ZBTB11: variants seen among roughly 807,000 people sequenced by gnomAD.
ZBTB11 encodes the protein zinc finger and BTB domain-containing protein 11.
A neutral mutation model predicts 113.1 loss-of-function variants in ZBTB11; 68 were observed. The observed-to-expected ratio is 0.60, with a 90% CI of 0.49 to 0.74. The LOEUF is 0.74. Among genes scored for constraint, ZBTB11 ranks in the 30% least tolerant of loss-of-function variants. The probability of loss-of-function intolerance (pLI) is 0.00; values close to 1 mark genes in which losing one functional copy is unlikely to be tolerated. For synonymous variants in ZBTB11, 518 were observed against 452.6 expected (o/e 1.14, Z -1.83); for missense variants, 1,104 against 1,279.4 (o/e 0.86, Z 2.09).
At position 101,664,522 on chromosome 3, in the gene ZBTB11, C is replaced by G; in HGVS notation, c.1800+16G>C. 1.3e-6 allele frequency: 2 copies of G among 1,585,842 alleles called. No individual in the cohort carries two copies. The highest frequency in any genetic ancestry group is 4.5e-5 in the East Asian group (2 of 44,496). ...ATGAATTAGAGTTACCTTCAATTAG[C>G]TTTCCAAATACTTACTGGACATTTG... On this transcript the variant is annotated intron_variant, in intron 5 of 10. Transcript: ENST00000312938.
At position 101,652,499 on chromosome 3, in the gene ZBTB11, C is replaced by G. The variant is rs1936722218; in HGVS notation, c.2641G>C (p.Glu881Gln). The part of the protein sequence containing the change: ...REYRRHMNNH[E>Q]GVKPFECLTC... ...ATATAATATAAAGTATAGTTACCTT[C>G]ATGGTTGTTCATGTGTCTCCTATAC... The change falls in exon 10 of 11, where the codon GAA becomes CAA. Residue 881 changes from glutamate to glutamine, a missense_variant. This residue lies in a region of ZBTB11 where 148 missense variants were observed against 259.3 expected (regional missense o/e 0.57). Coordinates refer to ENST00000312938, the MANE Select transcript of ZBTB11 (RefSeq NM_014415.4). The G allele has an allele frequency of 1.2e-6, 2 of 1,613,610 alleles. No individual in the cohort carries two copies. Among genetic ancestry groups the G allele is most frequent in the Non-Finnish European group, 1.7e-6 (2 of 1,179,896 alleles).
At chr3:101,676,412 T>G in intron 1 of ZBTB11, 193 bp downstream of exon 1, 1 of 551,340 alleles carries the variant, frequency 1.8e-6, no homozygotes, top group Non-Finnish European at 2.9e-6. Context: ...CGCCCCCAGC[T>G]TCGCCGGCCT....
Position 101,651,784 on chromosome 3 carries a change from A to T in ZBTB11, c.2645-101T>A, listed in dbSNP as rs1936707906. 4 of 1,230,900 alleles carry T rather than the reference A, an allele frequency of 3.2e-6. No individual in the cohort carries two copies. In the South Asian group the frequency reaches 7.0e-5, roughly 22 times the overall value. The allele number at this position is 1,230,900 out of a possible 1,614,324, so 76.2% of individuals were successfully genotyped here. On this transcript the variant is annotated intron_variant, in intron 10 of 10. Coordinates refer to ENST00000312938, the MANE Select transcript of ZBTB11 (RefSeq NM_014415.4). ...CTTTTATTAAAAAGTACAGTAGCTC[A>T]TAAGCCTTTCTATCTGGACTGTGGC... is the stretch of plus-strand genomic sequence containing the variant.
chr3:101,658,797 T>C (rs1936840963), intron 6 of ZBTB11, among the ~76,000 whole-genome samples: 1 of 152,144 alleles, frequency 6.6e-6, no homozygotes, highest in African/African-American at 2.4e-5. Context: ...GGGTATAGTG[T>C]ATACTGCTTA....
At position 101,659,249 on chromosome 3, in the gene ZBTB11, C is replaced by CA. The variant is rs577129956; in HGVS notation, c.2046+533dup. 5.9e-5 allele frequency among the ~76,000 whole-genome samples: 9 copies of CA among 152,210 alleles called. No homozygotes were observed. In the South Asian group the frequency reaches 8.3e-4, roughly 14 times the overall value. On this transcript the variant is annotated intron_variant, in intron 6 of 10. Coordinates refer to ENST00000312938, the MANE Select transcript of ZBTB11 (RefSeq NM_014415.4). ...GAACAAGACCTTGTCTCAAAACAGA[C>CA]AAAAAAACCCAAACTGAGTCATACT...
rs754931685 is a variant in ZBTB11, at chr3:101,665,406, G to A, written c.1181C>T (p.Ser394Phe). The A allele has an allele frequency of 3.7e-6, 6 of 1,614,078 alleles. No individual in the cohort carries two copies. In the African/African-American group the frequency reaches 6.7e-5, roughly 18 times the overall value. Residue 394 changes from serine (S) to phenylalanine (F), a missense_variant, in exon 4 of 11, where the codon TCT becomes TTT. Ser to Phe is a radical substitution (Grantham distance 155). This residue lies in a region of ZBTB11 where 535 missense variants were observed against 518.6 expected (regional missense o/e 1.03). Transcript: ENST00000312938. ...TATACATCCTACTGATGACAGGGCAGATTCAGCCTCTGAAGAAACCTGGGG... is the reference window on the plus strand; with the variant it reads ...TATACATCCTACTGATGACAGGGCAAATTCAGCCTCTGAAGAAACCTGGGG... ...PEPQVSSEAESALSSVGCIAD... is the reference protein window; with the variant it reads ...PEPQVSSEAEFALSSVGCIAD...
chr3:101,665,797 C>T lies in ZBTB11; in HGVS notation c.790G>A (p.Ala264Thr). 1 of 1,590,254 alleles carries T rather than the reference C, an allele frequency of 6.3e-7. No homozygotes were observed. Among genetic ancestry groups the T allele is most frequent in the Non-Finnish European group, 8.5e-7 (1 of 1,171,182 alleles). Residue 264 changes from alanine (A) to threonine (T), a missense_variant, in exon 4 of 11, where the codon GCC becomes ACC. Around this residue, in one of 5 missense-constraint regions of ZBTB11, gnomAD observed 86 missense variants for 131.0 expected, o/e 0.66. Coordinates refer to ENST00000312938, the MANE Select transcript of ZBTB11 (RefSeq NM_014415.4). ...AVVDLSGFCK[A>T]SFLPLLEFAY... is the part of the protein sequence containing the mutation. ...AATTCCAGTAAAGGAAGGAAGCTGG[C>T]CTTACAAAAACCTGTATGAATACAA...
Position 101,651,335 on chromosome 3 carries a change from G to A in ZBTB11, c.2993C>T (p.Ala998Val), listed in dbSNP as rs1370601807. The A allele has an allele frequency of 1.2e-6, 2 of 1,613,930 alleles. No individual in the cohort carries two copies. The highest frequency in any genetic ancestry group is 1.7e-6 in the Non-Finnish European group (2 of 1,180,004). Residue 998 changes from alanine to valine, a missense_variant, in exon 11 of 11, where the codon GCT becomes GTT. Physicochemically the swap from Ala to Val is moderately conservative, Grantham distance 64. This residue lies in a region of ZBTB11 where 90 missense variants were observed against 98.0 expected (regional missense o/e 0.92). Coordinates refer to ENST00000312938, the MANE Select transcript of ZBTB11 (RefSeq NM_014415.4). ...TGGATACTCTTCAGTAGCTGCAACA[G>A]CTTCCAGAGCTTCCATAGTTTCTCC... The part of the protein sequence containing the change: ...VTGETMEALE[A>V]VAATEEYPSV...
At position 101,664,987 on chromosome 3, in the gene ZBTB11, C is replaced by T. The variant is rs770642516; in HGVS notation, c.1600G>A (p.Val534Ile). 116 of 1,611,484 alleles carry T rather than the reference C, an allele frequency of 7.2e-5. No homozygotes were observed. The highest frequency in any genetic ancestry group is 6.0e-4 in the Admixed American group (36 of 59,776). ...ACCTGTTGAACTGCTGACTTGGGAA[C>T]GGCTTTCCGTTTCTGCAGCTTTTTC... is the stretch of plus-strand genomic sequence containing the variant. ...MEKKLQKRKA[V>I]PKSAVQQVAQ... Residue 534 changes from valine to isoleucine, a missense_variant, in exon 4 of 11, where the codon GTT becomes ATT. Physicochemically the swap from Val to Ile is conservative, Grantham distance 29 (BLOSUM62 3). Around this residue, in one of 5 missense-constraint regions of ZBTB11, gnomAD observed 535 missense variants for 518.6 expected, o/e 1.03. Transcript: ENST00000312938.
At chr3:101,672,674 G>A (rs1458014396) in intron 1 of ZBTB11, among the ~76,000 whole-genome samples, 1 of 152,216 alleles carries the variant, frequency 6.6e-6, no homozygotes, top group Non-Finnish European at 1.5e-5. Flanking sequence ...CTGAGATTGT[G>A]CCACTGCACT....
In ZBTB11 at chr3:101,665,169, T is replaced by C. The variant is rs1217570210; in HGVS notation, c.1418A>G (p.His473Arg). The C allele has an allele frequency of 6.2e-7, 1 of 1,614,196 alleles. No individual in the cohort carries two copies. Residue 473 changes from histidine (H) to arginine (R), a missense_variant, in exon 4 of 11, where the codon CAT (histidine) becomes CGT (arginine). This residue lies in a region of ZBTB11 where 535 missense variants were observed against 518.6 expected (regional missense o/e 1.03). Coordinates refer to ENST00000312938, the MANE Select transcript of ZBTB11 (RefSeq NM_014415.4). Reference protein sequence around the residue: ...EDICAEDIPKHRQKVDQPLKD... With the variant: ...EDICAEDIPKRRQKVDQPLKD... ...TAAAGGTTGGTCAACTTTCTGCCTA[T>C]GTTTTGGAATGTCTTCGGCACAAAT... is the stretch of plus-strand genomic sequence containing the variant.
rs537474055 is a variant in ZBTB11 at position 101,661,845 on chromosome 3, A to T, written c.1801-1817T>A. Among the ~76,000 whole-genome samples the T allele has an allele frequency of 2.0e-5, 3 of 152,228 alleles. No individual in the cohort carries two copies. In the South Asian group the frequency reaches 6.2e-4, roughly 32 times the overall value. On this transcript the variant is annotated intron_variant, in intron 5 of 10. Coordinates refer to ENST00000312938, the MANE Select transcript of ZBTB11 (RefSeq NM_014415.4). ...GTTTTCCATGTTCTGTTTGAAAATA[A>T]TATTTGTATACTGAGTATCTCAGAC...
intron 3 of ZBTB11, among the ~76,000 whole-genome samples, chr3:101,667,278 G>C (rs1047288186): frequency 6.6e-6 from 1 of 152,086 alleles, no homozygotes; most frequent in African/African-American, 2.4e-5. Context: ...GGCCTGAAGG[G>C]ATACTCCTGC....
Position 101,676,728 on chromosome 3 carries a change from C to T in ZBTB11, c.187G>A (p.Glu63Lys). 1 of 1,602,554 alleles carries T rather than the reference C, an allele frequency of 6.2e-7. No individual in the cohort carries two copies. The highest frequency in any genetic ancestry group is 8.5e-7 in the Non-Finnish European group (1 of 1,174,794). The part of the protein sequence containing the change: ...QRHRKTFAEL[E>K]VVLQPERRRD... ...CGTCGCTCCGGCTGCAGCACCACCT[C>T]CAGCTCCGCGAAGGTCTTGCGGTGC... Residue 63 changes from glutamate (E) to lysine (K), a missense_variant, in exon 1 of 11, where the codon GAG becomes AAG. Glu to Lys is a moderately conservative substitution (Grantham distance 56). This residue lies in a region of ZBTB11 where 245 missense variants were observed against 272.5 expected (regional missense o/e 0.90). Transcript: ENST00000312938.
In ZBTB11 at chr3:101,651,008, C is replaced by A. The variant is rs1936692117; in HGVS notation, c.*158G>T. 9.2e-6 allele frequency: 7 copies of A among 759,158 alleles called. No individual in the cohort carries two copies. The highest frequency in any genetic ancestry group is 1.2e-5 in the Non-Finnish European group (6 of 498,420). 47.0% of individuals were successfully genotyped at this position (759,158 alleles called of 1,614,324 possible). On this transcript the variant is annotated 3_prime_UTR_variant, in exon 11 of 11. Transcript: ENST00000312938. ...CACTAAACGGACTTTTCTATAGAAC[C>A]CATTGGCCAGACAAAATGTTTGGAA... is the stretch of plus-strand genomic sequence containing the variant.
In ZBTB11 at chr3:101,665,110, T is replaced by C. The variant is rs1936967161; in HGVS notation, c.1477A>G (p.Lys493Glu). Residue 493 changes from lysine (K) to glutamate (E), a missense_variant, in exon 4 of 11, where the codon AAG (lysine) becomes GAG (glutamate). Physicochemically the swap from Lys to Glu is moderately conservative, Grantham distance 56. Coordinates refer to ENST00000312938, the MANE Select transcript of ZBTB11 (RefSeq NM_014415.4). ...DQENLVASTA[K>E]TDFGPDDDTY... ...TCATCATCAGGGCCAAAGTCTGTCT[T>C]TGCTGTTGATGCAACTAGATTTTCC... The C allele has an allele frequency of 6.2e-7, 1 of 1,614,216 alleles. No homozygotes were observed. Among genetic ancestry groups the C allele is most frequent in the East Asian group, 2.2e-5 (1 of 44,874 alleles).
intron 3 of ZBTB11, chr3:101,670,725 C>T (rs1937074073): frequency 5.8e-6 from 1 of 173,612 alleles, no homozygotes; most frequent in South Asian, 1.4e-4. Context: ...GAACTCCTGA[C>T]CTTAAGCAGA....
At position 101,655,469 on chromosome 3, in the gene ZBTB11, C is replaced by T. The variant is rs187301688; in HGVS notation, c.2191+635G>A. ...ACATCTAAAAATAAGTATGTATGGA[C>T]AAAAAAATATAAGCCAACTACTATG... On this transcript the variant is annotated intron_variant, in intron 7 of 10. Coordinates refer to ENST00000312938, the MANE Select transcript of ZBTB11 (RefSeq NM_014415.4). Among the ~76,000 whole-genome samples, 19 of 152,042 alleles carry T rather than the reference C, an allele frequency of 1.2e-4. No homozygotes were observed. The East Asian group carries it at 3.7e-3, about 29-fold the overall frequency.
At chr3:101,675,021 T>G (rs1937140842) in intron 1 of ZBTB11, among the ~76,000 whole-genome samples, 1 of 152,244 alleles carries the variant, frequency 6.6e-6, no homozygotes, top group Admixed American at 6.5e-5. Context: ...TACAGTGAGC[T>G]GTGATCGTTG....
Sources: gnomAD v4.1 joint callset for allele counts (sites outside exome capture counted in the v4.1 genomes callset) on GRCh38, gnomAD v4.1.1 for gene constraint, gnomAD v4.1.1 regional missense constraint, MANE v1.5 for transcripts, NCBI Gene and HGNC (gene_info 2026-07-23, HGNC 2026-07-21) for gene names.